CDCA7L: variants seen among roughly 807,000 people sequenced by gnomAD.
CDCA7L encodes the protein cell division cycle associated 7 like, also known as cell division cycle-associated 7-like protein.
Under a neutral mutation model 57.4 loss-of-function variants are expected in CDCA7L, and 44 were observed. The ratio of observed to expected loss-of-function variants is 0.77; its 90% confidence interval spans 0.60 to 0.98. The LOEUF (loss-of-function observed/expected upper bound fraction) is 0.98, where lower values mean the gene tolerates loss of function less well. Among genes scored for constraint, CDCA7L ranks in the 50% least tolerant of loss-of-function variants. The pLI is 0.00. For missense variants in CDCA7L, 644 were observed against 580.6 expected (o/e 1.11, Z -1.12); for synonymous variants, 236 against 202.8 (o/e 1.16, Z -1.39).
chr7:21,936,909 A>C (rs774256338), intron 1 of CDCA7L, among the ~76,000 whole-genome samples: 3 of 152,230 alleles, frequency 2.0e-5, no homozygotes, highest in Non-Finnish European at 4.4e-5. Flanking sequence ...ATATATGTAG[A>C]GAACACTAGA....
At chr7:21,918,992 T>A (rs143426000) in intron 1 of CDCA7L, among the ~76,000 whole-genome samples, 1 of 152,270 alleles carries the variant, frequency 6.6e-6, no homozygotes, top group East Asian at 1.9e-4. Context: ...TTTTTTATAT[T>A]TTTTATTTTA....
In CDCA7L at chr7:21,902,533, A is replaced by ATGACT. The variant is rs2128055392; in HGVS notation, c.1335-186_1335-182dup. The ATGACT allele has an allele frequency of 1.5e-5, 9 of 617,476 alleles. No individual in the cohort carries two copies. In the South Asian group the frequency reaches 1.6e-4, roughly 11 times the overall value. 38.2% of individuals were successfully genotyped at this position (617,476 alleles called of 1,614,324 possible). On this transcript the variant is annotated intron_variant, in intron 9 of 9. Coordinates refer to ENST00000406877, the MANE Select transcript of CDCA7L (RefSeq NM_018719.5). Reference sequence around the variant, plus strand: ...CCCTCTGGTGTAGTACGCCCCAAGCATGACTTGCCTCACTCCCGCATTCCA... The same window carrying ATGACT: ...CCCTCTGGTGTAGTACGCCCCAAGCATGACTTGACTTGCCTCACTCCCGCATTCCA...
intron 1 of CDCA7L, among the ~76,000 whole-genome samples, chr7:21,937,288 C>T (rs1252707042): frequency 6.6e-6 from 1 of 152,072 alleles, no homozygotes; most frequent in Non-Finnish European, 1.5e-5. Flanking sequence ...AAAAGTCCAT[C>T]CTAAAATTAA....
Position 21,911,006 on chromosome 7 carries a change from A to ATTTTTT in CDCA7L, c.303+605_303+610dup, listed in dbSNP as rs557286550. 2.7e-4 allele frequency among the ~76,000 whole-genome samples: 22 copies of ATTTTTT among 82,532 alleles called. 2 individuals carry two copies. Among genetic ancestry groups the ATTTTTT allele is most frequent in the African/African-American group, 5.3e-4 (9 of 16,892 alleles). The allele number at this position is 82,532 out of a possible 152,430, so 54.1% of individuals were successfully genotyped here. On this transcript the variant is annotated intron_variant, in intron 3 of 9. Transcript: ENST00000406877. ...AGAGGTTTAAGGAACTCTTGAGATA[A>ATTTTTT]TTTTTTTTTTTTTTTTTTTTTTTTT...
At chr7:21,925,429 G>A in intron 1 of CDCA7L, among the ~76,000 whole-genome samples, 1 of 152,218 alleles carries the variant, frequency 6.6e-6, no homozygotes, top group Non-Finnish European at 1.5e-5. Flanking sequence ...TGAGGACACT[G>A]AACCCAAGGC....
chr7:21,912,833 CT>C (rs1169671726), intron 2 of CDCA7L, among the ~76,000 whole-genome samples: 1 of 152,196 alleles, frequency 6.6e-6, no homozygotes, highest in Non-Finnish European at 1.5e-5. Context: ...CAATGTGACT[CT>C]TTAAGAAAAG....
chr7:21,906,224 T>A, intron 6 of CDCA7L, 65 bp downstream of exon 6: 2 of 1,471,442 alleles, frequency 1.4e-6, no homozygotes, highest in Admixed American at 4.2e-5. Context: ...GACAGTGACG[T>A]GCGTTCACGT....
At chr7:21,919,713 C>T (rs1245379758) in intron 1 of CDCA7L, among the ~76,000 whole-genome samples, 1 of 152,062 alleles carries the variant, frequency 6.6e-6, no homozygotes, top group African/African-American at 2.4e-5. Context: ...GGAAAACCCT[C>T]GATTCCCAAA....
chr7:21,926,971 G>A (rs1425960406), intron 1 of CDCA7L, among the ~76,000 whole-genome samples: 1 of 152,186 alleles, frequency 6.6e-6, no homozygotes, highest in African/African-American at 2.4e-5. Flanking sequence ...AGTATGTTCA[G>A]AAAAGATCTA....
Position 21,902,296 on chromosome 7 carries a change from G to C in CDCA7L, c.*26C>G, listed in dbSNP as rs765310888. 1.9e-6 allele frequency: 3 copies of C among 1,607,732 alleles called. No homozygotes were observed. Among genetic ancestry groups the C allele is most frequent in the East Asian group, 4.5e-5 (2 of 44,880 alleles). ...GTCTTGTTGGAGTACTCTATGGTGAGGTGGCTGGTTCTGTTTGTTTTCCTC... is the reference window on the plus strand; with the variant it reads ...GTCTTGTTGGAGTACTCTATGGTGACGTGGCTGGTTCTGTTTGTTTTCCTC... On this transcript the variant is annotated 3_prime_UTR_variant, in exon 10 of 10. Transcript: ENST00000406877.
rs558904716 is a variant in CDCA7L, at chr7:21,926,511, A to C, written c.25-9617T>G. The stretch of plus-strand genomic sequence containing the variant: ...GAACAGACCTTTCTCCAAGGAAGCT[A>C]TACAAATGACAAACAAGTACATAAA... On this transcript the variant is annotated intron_variant, in intron 1 of 9. Coordinates refer to ENST00000406877, the MANE Select transcript of CDCA7L (RefSeq NM_018719.5). Among the ~76,000 whole-genome samples the C allele has an allele frequency of 1.9e-4, 29 of 152,330 alleles. 1 individual carries two copies. The highest frequency in any genetic ancestry group is 7.0e-4 in the African/African-American group (29 of 41,576).
intron 1 of CDCA7L, among the ~76,000 whole-genome samples, chr7:21,922,893 C>G (rs1047795324): frequency 2.6e-5 from 4 of 152,112 alleles, no homozygotes; most frequent in African/African-American, 9.7e-5. Context: ...AGACGTTATG[C>G]TAAATGATAA....
intron 1 of CDCA7L, among the ~76,000 whole-genome samples, chr7:21,917,825 A>G (rs1036656067): frequency 2.6e-5 from 4 of 152,242 alleles, no homozygotes; most frequent in African/African-American, 7.2e-5. Context: ...AATTCAGCAC[A>G]TATCTCCCAC....
At chr7:21,913,009 C>T (rs1785380609) in intron 2 of CDCA7L, among the ~76,000 whole-genome samples, 1 of 152,068 alleles carries the variant, frequency 6.6e-6, no homozygotes, top group Non-Finnish European at 1.5e-5. Context: ...TAGAGTCTGT[C>T]CCCAGTTTCC....
chr7:21,937,445 G>C (rs1786203577), intron 1 of CDCA7L, among the ~76,000 whole-genome samples: 2 of 151,992 alleles, frequency 1.3e-5, no homozygotes, highest in Non-Finnish European at 2.9e-5. Flanking sequence ...GACCACCCTG[G>C]GCAACATGGT....
chr7:21,916,608 G>A, intron 2 of CDCA7L, 146 bp downstream of exon 2: 2 of 696,198 alleles, frequency 2.9e-6, no homozygotes, highest in Non-Finnish European at 4.7e-6. Context: ...TTTAAAACAG[G>A]AAGACACAGA....
intron 3 of CDCA7L, among the ~76,000 whole-genome samples, chr7:21,910,256 G>A (rs949268197): frequency 3.9e-5 from 6 of 152,138 alleles, no homozygotes; most frequent in Non-Finnish European, 5.9e-5. Context: ...TCTTAATATC[G>A]TGCTGGCAAG....
rs59893919 is a variant in CDCA7L, at chr7:21,932,956, GA to G, written c.24+12824del. On this transcript the variant is annotated intron_variant, in intron 1 of 9. Coordinates refer to ENST00000406877, the MANE Select transcript of CDCA7L (RefSeq NM_018719.5). ...ACAAGGAAATTAAACAAATTTATAA[GA>G]AAAAAAAAAAGAACAACTTCATCAA... Among the ~76,000 whole-genome samples, 868 of 142,136 alleles carry G rather than the reference GA, an allele frequency of 6.1e-3. 11 individuals carry two copies. The highest frequency in any genetic ancestry group is 0.037 in the Admixed American group (526 of 14,304). 93.2% of individuals were successfully genotyped at this position (142,136 alleles called of 152,430 possible). A position where few individuals can be genotyped will look rare whatever the true frequency, so the allele number is the denominator to read the frequency against.
chr7:21,916,000 C>T (rs979851115), intron 2 of CDCA7L, among the ~76,000 whole-genome samples: 5 of 152,070 alleles, frequency 3.3e-5, no homozygotes, highest in Non-Finnish European at 5.9e-5. Flanking sequence ...CAGCTCCCAC[C>T]AGGCCAGAAC....
Sources: gnomAD v4.1 joint callset for allele counts (sites outside exome capture counted in the v4.1 genomes callset) on GRCh38, gnomAD v4.1.1 for gene constraint, MANE v1.5 for transcripts, NCBI Gene and HGNC (gene_info 2026-07-23, HGNC 2026-07-21) for gene names.